Variants in ACAN observed in about 807,000 individuals in gnomAD.
ACAN encodes aggrecan.
In ACAN, 47 loss-of-function variants were observed where a neutral mutation model predicts 169.1. That is an observed-to-expected ratio of 0.28 (90% CI 0.22 to 0.35). The LOEUF (loss-of-function observed/expected upper bound fraction) is 0.35. Ranked by LOEUF, ACAN falls within the 10% of genes least tolerant of loss-of-function variation. The pLI, the probability that ACAN is intolerant of heterozygous loss-of-function variation, is 1.00. For missense variants in ACAN, 2,716 were observed against 2,759.9 expected (o/e 0.98, Z 0.36); for synonymous variants, 1,115 against 1,112.2 (o/e 1.00, Z -0.05).
At chr15:88,829,400 G>A (rs766074767) in intron 1 of ACAN, among the ~76,000 whole-genome samples, 4 of 152,202 alleles carry the variant, frequency 2.6e-5, no homozygotes, top group Admixed American at 2.0e-4. Flanking sequence ...CTGGCTTCCC[G>A]TTTCTATACC....
chr15:88,831,309 C>T (rs1199993084), intron 1 of ACAN, among the ~76,000 whole-genome samples: 1 of 152,206 alleles, frequency 6.6e-6, no homozygotes, highest in Non-Finnish European at 1.5e-5. Flanking sequence ...CACTAAAGCG[C>T]TATCATTAAT....
chr15:88,823,425 C>CT (rs1331061707), intron 1 of ACAN, among the ~76,000 whole-genome samples: 1 of 149,458 alleles, frequency 6.7e-6, no homozygotes, highest in Non-Finnish European at 1.5e-5. Context: ...TTTTTTTTTT[C>CT]TTGTTTTTTC....
chr15:88,855,207 A>G lies in ACAN; in HGVS notation c.2622A>G (p.Gly874=). Residue 874 remains glycine, a synonymous_variant, in exon 12 of 19, where the codon GGA becomes GGG. Coordinates refer to ENST00000560601, the MANE Select transcript of ACAN (RefSeq NM_001369268.1). ...TCAGTGGTGACTTCACAGGCAGTGGAGATGTTTCAGGACACCTTGACTTCA... is the reference window on the plus strand; with the variant it reads ...TCAGTGGTGACTTCACAGGCAGTGGGGATGTTTCAGGACACCTTGACTTCA... ...PDVSGDFTGS[G]DVSGHLDFSG... 1 of 1,604,988 alleles carries G rather than the reference A, an allele frequency of 6.2e-7. No homozygotes were observed. Among genetic ancestry groups the G allele is most frequent in the Non-Finnish European group, 8.5e-7 (1 of 1,173,430 alleles).
chr15:88,815,743 G>A (rs1895927025), intron 1 of ACAN, among the ~76,000 whole-genome samples: 2 of 151,022 alleles, frequency 1.3e-5, no homozygotes, highest in South Asian at 4.2e-4. Context: ...CGACCCTGAG[G>A]TTGACTACCA....
rs775284192 is a variant in ACAN at position 88,866,209 on chromosome 15, C to T, written c.6947-2007C>T. ...ACCTCCGCTGGGGTGTCTTTCCTTT[C>T]CTGCCCTTTCTCCCATGGGCAGCCA... On this transcript the variant is annotated intron_variant, in intron 13 of 18. Coordinates refer to ENST00000560601, the MANE Select transcript of ACAN (RefSeq NM_001369268.1). The surrounding 1 kb of genome is among the most constrained non-coding windows in gnomAD (Gnocchi z 5.6). Among the ~76,000 whole-genome samples the T allele has an allele frequency of 6.6e-6, 1 of 152,162 alleles. No individual in the cohort carries two copies. The highest frequency in any genetic ancestry group is 2.1e-4 in the South Asian group (1 of 4,824).
At chr15:88,848,759 C>T (rs1025815640) in intron 9 of ACAN, among the ~76,000 whole-genome samples, 3 of 152,248 alleles carry the variant, frequency 2.0e-5, no homozygotes, top group Non-Finnish European at 4.4e-5. Context: ...TCACTCGTTT[C>T]AAGACCCTGG....
rs1897394826 is a variant in ACAN at position 88,872,101 on chromosome 15, G to A, written c.7302+16G>A. 2 of 1,610,708 alleles carry A rather than the reference G, an allele frequency of 1.2e-6. No individual in the cohort carries two copies. The highest frequency in any genetic ancestry group is 1.7e-6 in the Non-Finnish European group (2 of 1,177,122). Reference sequence around the variant, plus strand: ...ACACCCCATGGTGAGTTCTGCTGTAGGCACAGCTGGTGGCCCAGGGGACAG... The same window carrying A: ...ACACCCCATGGTGAGTTCTGCTGTAAGCACAGCTGGTGGCCCAGGGGACAG... On this transcript the variant is annotated intron_variant, in intron 16 of 18. Transcript: ENST00000560601. This position sits in a 1 kb window ranked among gnomAD's most constrained non-coding sequence, Gnocchi z 5.4.
rs953875763 is a variant in ACAN at position 88,849,941 on chromosome 15, G to C, written c.2026+210G>C. 8 of 713,336 alleles carry C rather than the reference G, an allele frequency of 1.1e-5. 1 individual carries two copies. The highest frequency in any genetic ancestry group is 1.1e-4 in the South Asian group (7 of 63,830). The allele number at this position is 713,336 out of a possible 1,614,324, so 44.2% of individuals were successfully genotyped here. A position where few individuals can be genotyped will look rare whatever the true frequency, so the allele number is the denominator to read the frequency against. On this transcript the variant is annotated intron_variant, in intron 10 of 18. Coordinates refer to ENST00000560601, the MANE Select transcript of ACAN (RefSeq NM_001369268.1). The surrounding 1 kb of genome is among the most constrained non-coding windows in gnomAD (Gnocchi z 5.1). The stretch of plus-strand genomic sequence containing the variant: ...CTAAAGTTCCCCAGAGACAAGTAGA[G>C]ATAAATAAGAACTTGAGCTGGTATT...
At position 88,857,641 on chromosome 15, in the gene ACAN, A is replaced by T. The variant is rs542821166; in HGVS notation, c.5056A>T (p.Ile1686Phe). 108 of 1,614,008 alleles carry T rather than the reference A, an allele frequency of 6.7e-5. 1 individual carries two copies. In the South Asian group the frequency reaches 8.7e-4, roughly 13 times the overall value. ...SELEGRGTIGISGAGEISGLP... is the reference protein window; with the variant it reads ...SELEGRGTIGFSGAGEISGLP... The stretch of plus-strand genomic sequence containing the variant: ...ACTGGAAGGGAGGGGAACCATTGGC[A>T]TCAGTGGTGCAGGAGAAATATCTGG... Residue 1686 changes from isoleucine to phenylalanine, a missense_variant, in exon 12 of 19, where the codon ATC becomes TTC. Coordinates refer to ENST00000560601, the MANE Select transcript of ACAN (RefSeq NM_001369268.1).
intron 1 of ACAN, among the ~76,000 whole-genome samples, chr15:88,805,547 T>G (rs1895657637): frequency 6.6e-6 from 1 of 152,156 alleles, no homozygotes; most frequent in Non-Finnish European, 1.5e-5. Context: ...GCCTGGTATT[T>G]TCATTCATTC....
chr15:88,849,625 G>T lies in ACAN; in HGVS notation c.1920G>T (p.Arg640Ser). ...GSLRYPIVTP[R>S]PACGGDKPGV... ...TCCGCTACCCCATCGTCACCCCAAG[G>T]CCTGCCTGCGGTGGGGACAAGCCAG... Residue 640 changes from arginine to serine, a missense_variant, in exon 10 of 19, where the codon AGG becomes AGT. This residue lies in a region of ACAN where 1,283 missense variants were observed against 1,281.5 expected (regional missense o/e 1.00). Coordinates refer to ENST00000560601, the MANE Select transcript of ACAN (RefSeq NM_001369268.1). This position sits in a 1 kb window ranked among gnomAD's most constrained non-coding sequence, Gnocchi z 5.1. 1 of 1,612,526 alleles carries T rather than the reference G, an allele frequency of 6.2e-7. No homozygotes were observed. The highest frequency in any genetic ancestry group is 8.5e-7 in the Non-Finnish European group (1 of 1,179,538).
chr15:88,816,212 C>G (rs8032490), intron 1 of ACAN, among the ~76,000 whole-genome samples: 35,520 of 152,186 alleles, frequency 0.23, 5,709 homozygotes, highest in African/African-American at 0.45. Flanking sequence ...TTCCAAATAA[C>G]GTCACATTCA....
intron 13 of ACAN, among the ~76,000 whole-genome samples, chr15:88,860,949 C>T (rs560101904): frequency 6.6e-6 from 1 of 152,074 alleles, no homozygotes; most frequent in South Asian, 2.1e-4. Flanking sequence ...CACAGGGATT[C>T]GTGGATGTAG....
At chr15:88,834,238 C>G (rs911078274) in intron 1 of ACAN, among the ~76,000 whole-genome samples, 1 of 152,212 alleles carries the variant, frequency 6.6e-6, no homozygotes, top group Non-Finnish European at 1.5e-5. Context: ...CATGCATTCA[C>G]GCCATACCCC....
Position 88,873,855 on chromosome 15 carries a change from G to GC in ACAN, c.7466dup (p.Val2490CysfsTer16). 6.2e-7 allele frequency: 1 copy of GC among 1,613,784 alleles called. No homozygotes were observed. The highest frequency in any genetic ancestry group is 8.5e-7 in the Non-Finnish European group (1 of 1,179,894). ...TTTGCCCCTCAGTGGCCTGCGGAGAGCCCCCTGTGGTGGAGCATGCCAGGA... is the reference window on the plus strand; with the variant it reads ...TTTGCCCCTCAGTGGCCTGCGGAGAGCCCCCCTGTGGTGGAGCATGCCAGGA... On this transcript the variant is annotated frameshift_variant, in exon 18 of 19. Coordinates refer to ENST00000560601, the MANE Select transcript of ACAN (RefSeq NM_001369268.1). LOFTEE classifies it high-confidence loss of function. The surrounding 1 kb of genome is among the most constrained non-coding windows in gnomAD (Gnocchi z 7.5).
At position 88,807,611 on chromosome 15, in the gene ACAN, C is replaced by G. The variant is rs1267620550; in HGVS notation, c.-8+3802C>G. 6.6e-6 allele frequency among the ~76,000 whole-genome samples: 1 copy of G among 152,054 alleles called. No homozygotes were observed. Among genetic ancestry groups the G allele is most frequent in the African/African-American group, 2.4e-5 (1 of 41,372 alleles). On this transcript the variant is annotated intron_variant, in intron 1 of 18. Coordinates refer to ENST00000560601, the MANE Select transcript of ACAN (RefSeq NM_001369268.1). This position sits in a 1 kb window ranked among gnomAD's most constrained non-coding sequence, Gnocchi z 4.0. The stretch of plus-strand genomic sequence containing the variant: ...GCTGGAGAAGGAGCGGGAGTGCAGG[C>G]GAGAGGAGGACCAGAGAGGGGGAAT...
intron 1 of ACAN, among the ~76,000 whole-genome samples, chr15:88,810,317 C>G (rs8032635): frequency 0.022 from 3,320 of 152,194 alleles, 109 homozygotes; most frequent in African/African-American, 0.071. Context: ...CTGGCTCTGT[C>G]CCTCCATGTC....
chr15:88,821,957 G>A (rs949939650), intron 1 of ACAN, among the ~76,000 whole-genome samples: 2 of 152,242 alleles, frequency 1.3e-5, no homozygotes, highest in South Asian at 2.1e-4. Flanking sequence ...GACCAGGCAT[G>A]AGCTTCCAGT....
At chr15:88,810,821 T>G (rs1321043789) in intron 1 of ACAN, among the ~76,000 whole-genome samples, 1 of 152,066 alleles carries the variant, frequency 6.6e-6, no homozygotes, top group East Asian at 1.9e-4. Flanking sequence ...GAATCTGTGG[T>G]TTTCAAAATT....
Sources: gnomAD v4.1 joint callset for allele counts (sites outside exome capture counted in the v4.1 genomes callset) on GRCh38, gnomAD v4.1.1 for gene constraint, gnomAD v4.1.1 regional missense constraint, Gnocchi (gnomAD v3.1) non-coding constraint, MANE v1.5 for transcripts, NCBI Gene and HGNC (gene_info 2026-07-23, HGNC 2026-07-21) for gene names.